GAL3ST2: variants seen among roughly 807,000 people sequenced by gnomAD.
GAL3ST2 encodes the protein beta-galactose-3-O-sulfotransferase 2.
GAL3ST2 carries 16 observed loss-of-function variants against 12.9 expected under a neutral mutation model. The observed-to-expected ratio is 1.24, with a 90% CI of 0.84 to 1.88. The LOEUF (loss-of-function observed/expected upper bound fraction) is 1.88, where lower values mean the gene tolerates loss of function less well. Ranked by LOEUF, GAL3ST2 falls within the 40% of genes most tolerant of loss-of-function variation. GAL3ST2 has a pLI of 0.00. For missense variants in GAL3ST2, 639 were observed against 571.8 expected (o/e 1.12, Z -1.20); for synonymous variants, 302 against 273.9 (o/e 1.10, Z -1.01).
chr2:241,801,688 C>A lies in GAL3ST2; in HGVS notation c.120-93C>A. ...AGTTGGGGGGCTCAGGTTGGGAGGT[C>A]TCTCCTTGCGGTTGCCGGGCTGGGG... is the stretch of plus-strand genomic sequence containing the variant. On this transcript the variant is annotated intron_variant, in intron 2 of 3. Coordinates refer to ENST00000192314, the MANE Select transcript of GAL3ST2 (RefSeq NM_022134.3). The surrounding 1 kb of genome is among the most constrained non-coding windows in gnomAD (Gnocchi z 4.4). 4 of 1,495,218 alleles carry A rather than the reference C, an allele frequency of 2.7e-6. No homozygotes were observed. The highest frequency in any genetic ancestry group is 2.4e-5 in the East Asian group (1 of 42,424). 92.6% of individuals were successfully genotyped at this position (1,495,218 alleles called of 1,614,324 possible).
At chr2:241,803,283 C>T (rs922277540) in intron 3 of GAL3ST2, 62 bp from the exon 4 acceptor site, 10 of 1,407,240 alleles carry the variant, frequency 7.1e-6, no homozygotes, top group Non-Finnish European at 9.6e-6. Flanking sequence ...GCCTCCTCCC[C>T]GCGGGTGGGC....
rs775654294 is a variant in GAL3ST2, at chr2:241,801,631, T to C, written c.120-150T>C. ...GTGGGGCAAGGATTGGGGCCATGGGTCGGTGCCTACCCAGTTGGCCCCCTG... is the reference window on the plus strand; with the variant it reads ...GTGGGGCAAGGATTGGGGCCATGGGCCGGTGCCTACCCAGTTGGCCCCCTG... On this transcript the variant is annotated intron_variant, in intron 2 of 3. Transcript: ENST00000192314. This position sits in a 1 kb window ranked among gnomAD's most constrained non-coding sequence, Gnocchi z 4.4. 1.6e-4 allele frequency: 157 copies of C among 985,936 alleles called. No homozygotes were observed. The highest frequency in any genetic ancestry group is 2.1e-4 in the Non-Finnish European group (142 of 687,040). The allele number at this position is 985,936 out of a possible 1,614,324, so 61.1% of individuals were successfully genotyped here.
intron 1 of GAL3ST2, among the ~76,000 whole-genome samples, chr2:241,785,505 T>C (rs1207213804): frequency 6.7e-6 from 1 of 149,296 alleles, no homozygotes; most frequent in Non-Finnish European, 1.5e-5. Context: ...TGAGCTGAGA[T>C]TGCACCACTG....
At chr2:241,780,403 C>G (rs544589354) in intron 1 of GAL3ST2, among the ~76,000 whole-genome samples, 13 of 152,196 alleles carry the variant, frequency 8.5e-5, no homozygotes, top group African/African-American at 3.1e-4. Context: ...CTTGTAATTC[C>G]AGCTACTCAG....
chr2:241,796,491 G>GAT (rs1423099427), intron 1 of GAL3ST2, among the ~76,000 whole-genome samples: 4 of 142,410 alleles, frequency 2.8e-5, no homozygotes, highest in Non-Finnish European at 6.1e-5. Context: ...ACGTATCAGG[G>GAT]CTCTGCTCAG....
Position 241,778,766 on chromosome 2 carries a change from C to T in GAL3ST2, c.29+1782C>T, listed in dbSNP as rs146422381. Among the ~76,000 whole-genome samples the T allele has an allele frequency of 5.0e-3, 755 of 152,142 alleles. 19 individuals carry two copies. The East Asian group carries it at 0.053, about 11-fold the overall frequency. ...TGTAGGGAGACATGAGACATCAGTC[C>T]GCATATGCAGGACGAACATTGGTTC... On this transcript the variant is annotated intron_variant, in intron 1 of 3. Coordinates refer to ENST00000192314, the MANE Select transcript of GAL3ST2 (RefSeq NM_022134.3).
At chr2:241,787,046 A>G (rs952301497) in intron 1 of GAL3ST2, among the ~76,000 whole-genome samples, 5 of 152,294 alleles carry the variant, frequency 3.3e-5, no homozygotes, top group East Asian at 3.9e-4. Context: ...CAGAAACTCA[A>G]AAGAATGCAA....
chr2:241,786,679 A>AT (rs1699632147), intron 1 of GAL3ST2, among the ~76,000 whole-genome samples: 2 of 152,080 alleles, frequency 1.3e-5, no homozygotes, highest in South Asian at 2.1e-4. Flanking sequence ...GAGATCAGGG[A>AT]TTTTTTGGAG....
At chr2:241,794,678 C>G (rs992920174) in intron 1 of GAL3ST2, among the ~76,000 whole-genome samples, 2 of 152,192 alleles carry the variant, frequency 1.3e-5, no homozygotes, top group Non-Finnish European at 2.9e-5. Flanking sequence ...GACTGAGCTA[C>G]TCTGGCAACC....
intron 1 of GAL3ST2, among the ~76,000 whole-genome samples, chr2:241,787,491 C>T (rs1699641350): frequency 6.6e-6 from 1 of 151,792 alleles, no homozygotes; most frequent in African/African-American, 2.4e-5. Context: ...CCCTAATCTC[C>T]CCAAATTGGT....
chr2:241,790,525 C>T (rs1699682541), intron 1 of GAL3ST2, among the ~76,000 whole-genome samples: 1 of 152,174 alleles, frequency 6.6e-6, no homozygotes, highest in South Asian at 2.1e-4. Flanking sequence ...AAATTCCTAT[C>T]TAAGAGGTCT....
At chr2:241,798,968 C>G (rs1050382053) in intron 1 of GAL3ST2, 97 bp from the exon 2 acceptor site, 10 of 945,694 alleles carry the variant, frequency 1.1e-5, no homozygotes, top group Non-Finnish European at 1.5e-5. Flanking sequence ...AGGCCCAGAC[C>G]TGTGTGGCCC....
At chr2:241,787,208 A>T (rs1209130106) in intron 1 of GAL3ST2, among the ~76,000 whole-genome samples, 2 of 152,034 alleles carry the variant, frequency 1.3e-5, no homozygotes, top group African/African-American at 2.4e-5. Context: ...ATGTATACAT[A>T]AAAAAAAGCT....
intron 1 of GAL3ST2, among the ~76,000 whole-genome samples, chr2:241,792,177 C>T (rs1347823387): frequency 2.6e-5 from 4 of 151,754 alleles, no homozygotes; most frequent in Non-Finnish European, 5.9e-5. Flanking sequence ...CCCTGCCCAG[C>T]TAATTTTTGT....
chr2:241,785,530 C>G (rs1387768253), intron 1 of GAL3ST2, among the ~76,000 whole-genome samples: 1 of 117,536 alleles, frequency 8.5e-6, no homozygotes, highest in African/African-American at 3.3e-5. Context: ...CCAGCCTGGG[C>G]AACAAAGATG....
At chr2:241,778,127 A>G (rs948053668) in intron 1 of GAL3ST2, among the ~76,000 whole-genome samples, 9 of 152,214 alleles carry the variant, frequency 5.9e-5, no homozygotes, top group Non-Finnish European at 1.3e-4. Context: ...TGCAGGAGGG[A>G]AGCCCCGAGT....
Position 241,802,163 on chromosome 2 carries a change from G to A in GAL3ST2, c.375+127G>A. The stretch of plus-strand genomic sequence containing the variant: ...TGGGGGCGGGGCGTGCAGAAGGCGG[G>A]TTGGGAGGGCCTGGGCCGCACGCCC... On this transcript the variant is annotated intron_variant, in intron 3 of 3. Coordinates refer to ENST00000192314, the MANE Select transcript of GAL3ST2 (RefSeq NM_022134.3). The surrounding 1 kb of genome is among the most constrained non-coding windows in gnomAD (Gnocchi z 4.8). The A allele has an allele frequency of 2.7e-6, 3 of 1,124,894 alleles. No individual in the cohort carries two copies. Among genetic ancestry groups the A allele is most frequent in the Non-Finnish European group, 3.7e-6 (3 of 807,192 alleles). The allele number at this position is 1,124,894 out of a possible 1,614,324, so 69.7% of individuals were successfully genotyped here.
rs144819363 is a variant in GAL3ST2 at position 241,801,883 on chromosome 2, C to T, written c.222C>T (p.Phe74=). 12 of 1,612,916 alleles carry T rather than the reference C, an allele frequency of 7.4e-6. No homozygotes were observed. The highest frequency in any genetic ancestry group is 2.2e-5 in the East Asian group (1 of 44,882). ...SSTVLNILYR[F]AETHNLSVAL... is the part of the protein sequence containing the mutation. ...CGGTGCTCAACATCCTCTACCGCTT[C>T]GCCGAGACCCACAACCTGTCCGTGG... The change falls in exon 3 of 4, where the codon TTC becomes TTT. Residue 74 remains phenylalanine, a synonymous_variant. Coordinates refer to ENST00000192314, the MANE Select transcript of GAL3ST2 (RefSeq NM_022134.3). This position sits in a 1 kb window ranked among gnomAD's most constrained non-coding sequence, Gnocchi z 4.4.
intron 1 of GAL3ST2, among the ~76,000 whole-genome samples, chr2:241,778,330 C>G (rs563391968): frequency 2.0e-5 from 3 of 152,368 alleles, no homozygotes; most frequent in African/African-American, 7.2e-5. Context: ...ATTCAAGGAG[C>G]TGCCCAGAAC....
Sources: gnomAD v4.1 joint callset for allele counts (sites outside exome capture counted in the v4.1 genomes callset) on GRCh38, gnomAD v4.1.1 for gene constraint, Gnocchi (gnomAD v3.1) non-coding constraint, MANE v1.5 for transcripts, NCBI Gene and HGNC (gene_info 2026-07-23, HGNC 2026-07-21) for gene names.